Variants in ENTREP2 observed in about 807,000 individuals in gnomAD.
ENTREP2 encodes the protein protein ENTREP2.
the ENTREP2 span, among the ~76,000 whole-genome samples, chr15:29,223,491 G>C: frequency 6.6e-6 from 1 of 152,134 alleles, no homozygotes; most frequent in Non-Finnish European, 1.5e-5. Flanking sequence ...ATGCTAGCGG[G>C]GAGTCCAGTG....
At chr15:29,292,208 C>A in the ENTREP2 span, among the ~76,000 whole-genome samples, 8 of 152,334 alleles carry the variant, frequency 5.3e-5, no homozygotes, top group African/African-American at 1.9e-4. Context: ...AACTACTGAT[C>A]ATCACTGACA....
the ENTREP2 span, among the ~76,000 whole-genome samples, chr15:29,237,743 G>A: frequency 6.6e-6 from 1 of 151,954 alleles, no homozygotes; most frequent in Non-Finnish European, 1.5e-5. Flanking sequence ...CCGTAAAATG[G>A]TCTGGCACTT....
chr15:29,340,573 G>A, the ENTREP2 span, among the ~76,000 whole-genome samples: 3 of 152,282 alleles, frequency 2.0e-5, no homozygotes, highest in African/African-American at 7.2e-5. Flanking sequence ...AAACTACCTG[G>A]AACAAGAGCT....
At chr15:29,285,096 G>A in the ENTREP2 span, among the ~76,000 whole-genome samples, 3 of 152,178 alleles carry the variant, frequency 2.0e-5, no homozygotes, top group Non-Finnish European at 4.4e-5. Context: ...TCAGGCAGAA[G>A]GGTGTGCTGG....
the ENTREP2 span, among the ~76,000 whole-genome samples, chr15:29,155,131 A>C: frequency 5.9e-5 from 9 of 151,692 alleles, no homozygotes; most frequent in Admixed American, 5.9e-4. Flanking sequence ...AAATACAAAA[A>C]ATTAGTCGGG....
the ENTREP2 span, among the ~76,000 whole-genome samples, chr15:29,334,563 GA>G: frequency 7.8e-6 from 1 of 128,114 alleles, no homozygotes; most frequent in Non-Finnish European, 1.8e-5. Context: ...TATTCAAATA[GA>G]ACATTAGGTT....
the ENTREP2 span, among the ~76,000 whole-genome samples, chr15:29,642,856 C>T: frequency 1.3e-5 from 2 of 152,142 alleles, no homozygotes; most frequent in Non-Finnish European, 2.9e-5. Context: ...TTGTGATCCA[C>T]CCGCCTTGGC....
the ENTREP2 span, among the ~76,000 whole-genome samples, chr15:29,637,054 G>A: frequency 6.6e-6 from 1 of 152,172 alleles, no homozygotes; most frequent in Admixed American, 6.5e-5. Flanking sequence ...ACACAGGACA[G>A]GAAGATAAGT....
the ENTREP2 span, among the ~76,000 whole-genome samples, chr15:29,223,709 G>A: frequency 6.6e-6 from 1 of 152,146 alleles, no homozygotes; most frequent in African/African-American, 2.4e-5. Context: ...CTCCTGGCCA[G>A]GGTGGGGGTG....
At chr15:29,601,684 CT>C in the ENTREP2 span, among the ~76,000 whole-genome samples, 1 of 152,128 alleles carries the variant, frequency 6.6e-6, no homozygotes, top group East Asian at 1.9e-4. Flanking sequence ...ATCTTTAACA[CT>C]TTTTGTTTCT....
chr15:29,647,752 C>T, the ENTREP2 span, among the ~76,000 whole-genome samples: 6 of 152,066 alleles, frequency 3.9e-5, no homozygotes, highest in Non-Finnish European at 7.4e-5. Flanking sequence ...TATACCTCTC[C>T]CGGAAAACCC....
chr15:29,579,263 G>C, the ENTREP2 span, among the ~76,000 whole-genome samples: 1 of 152,198 alleles, frequency 6.6e-6, no homozygotes, highest in African/African-American at 2.4e-5. Context: ...AAGTTGCTTA[G>C]AGAAATAAGC....
the ENTREP2 span, among the ~76,000 whole-genome samples, chr15:29,424,637 G>A: frequency 6.6e-6 from 1 of 152,152 alleles, no homozygotes; most frequent in African/African-American, 2.4e-5. Context: ...AAGAGGTACT[G>A]AGAGGGGCCC....
At chr15:29,241,499 G>C in the ENTREP2 span, among the ~76,000 whole-genome samples, 1 of 152,156 alleles carries the variant, frequency 6.6e-6, no homozygotes, top group Non-Finnish European at 1.5e-5. Context: ...AGAGAGGAGG[G>C]AGACTTTGTT....
the ENTREP2 span, among the ~76,000 whole-genome samples, chr15:29,657,223 T>C: frequency 6.6e-6 from 1 of 151,460 alleles, no homozygotes; most frequent in African/African-American, 2.4e-5. Flanking sequence ...AGCTTTTTTT[T>C]TTTCTTTTTG....
the ENTREP2 span, among the ~76,000 whole-genome samples, chr15:29,600,485 T>C: frequency 1.5e-5 from 2 of 136,784 alleles, no homozygotes; most frequent in Non-Finnish European, 3.3e-5. Flanking sequence ...ATCATCATCG[T>C]CATCTCATCA....
At chr15:29,156,735 G>A in the ENTREP2 span, among the ~76,000 whole-genome samples, 1 of 152,148 alleles carries the variant, frequency 6.6e-6, no homozygotes, top group African/African-American at 2.4e-5. Flanking sequence ...CGGGATGAGG[G>A]TGCAGATATA....
At chr15:29,518,005 G>C in the ENTREP2 span, among the ~76,000 whole-genome samples, 1 of 152,178 alleles carries the variant, frequency 6.6e-6, no homozygotes, top group African/African-American at 2.4e-5. Context: ...GGGAGGCTGA[G>C]GCAGGAGGAT....
chr15:29,544,467 C>T, the ENTREP2 span, among the ~76,000 whole-genome samples: 1 of 152,154 alleles, frequency 6.6e-6, no homozygotes, highest in Non-Finnish European at 1.5e-5. Context: ...GAACTGTACA[C>T]TTTAAAATTG....
Sources: gnomAD v4.1 joint callset for allele counts (sites outside exome capture counted in the v4.1 genomes callset) on GRCh38, gnomAD v4.1.1 for gene constraint, MANE v1.5 for transcripts, NCBI Gene and HGNC (gene_info 2026-07-23, HGNC 2026-07-21) for gene names.